The following IL1RAPL1 variants were observed in gnomAD, a reference collection of about 807,000 sequenced individuals.
IL1RAPL1 encodes interleukin 1 receptor accessory protein like 1, also known as interleukin-1 receptor accessory protein-like 1.
IL1RAPL1 carries 3 observed loss-of-function variants against 48.4 expected under a neutral mutation model. That is an observed-to-expected ratio of 0.06 (90% CI 0.03 to 0.16). IL1RAPL1 has a LOEUF of 0.16. Among genes scored for constraint, IL1RAPL1 ranks in the 10% least tolerant of loss-of-function variants. The pLI is 1.00. For missense variants in IL1RAPL1, 349 were observed against 530.6 expected (o/e 0.66, Z 3.36); for synonymous variants, 185 against 187.7 (o/e 0.99, Z 0.12).
intron 2 of IL1RAPL1, among the ~76,000 whole-genome samples, chrX:29,175,926 G>T (rs1041507591): frequency 2.9e-5 from 3 of 104,070 alleles, no homozygotes; most frequent in Non-Finnish European, 3.9e-5. Flanking sequence ...TCTTGAAATA[G>T]TATACTGCCC....
intron 2 of IL1RAPL1, among the ~76,000 whole-genome samples, chrX:29,269,842 A>G (rs1432608656): frequency 9.0e-6 from 1 of 111,111 alleles, no homozygotes; most frequent in Non-Finnish European, 1.9e-5. Flanking sequence ...ATATAAACTC[A>G]TGAAACTATC....
chrX:28,639,405 T>C (rs968329592), intron 1 of IL1RAPL1, among the ~76,000 whole-genome samples: 2 of 112,210 alleles, frequency 1.8e-5, no homozygotes, highest in African/African-American at 6.5e-5. Flanking sequence ...TTCAGCTAGG[T>C]TAGAAGCATT....
Position 29,757,404 on chromosome X carries a change from G to T in IL1RAPL1, c.778+88900G>T, listed in dbSNP as rs1264715752. On this transcript the variant is annotated intron_variant, in intron 6 of 10. Transcript: ENST00000378993. ...GAAGTGCTAAGAAATATAATATGGA[G>T]CTATTTCTTTCTATTCTGTTCCTCC... Among the ~76,000 whole-genome samples the T allele has an allele frequency of 9.8e-5, 11 of 111,699 alleles. No homozygotes were observed. In the Admixed American group the frequency reaches 1.0e-3, roughly 11 times the overall value.
chrX:29,861,839 T>G (rs182207316), intron 6 of IL1RAPL1, among the ~76,000 whole-genome samples: 37 of 111,896 alleles, frequency 3.3e-4, no homozygotes, highest in African/African-American at 1.0e-3. Flanking sequence ...TGATATTTCT[T>G]CTTTTAATCT....
chrX:29,547,627 T>C (rs1921668760), intron 5 of IL1RAPL1, among the ~76,000 whole-genome samples: 1 of 111,609 alleles, frequency 9.0e-6, no homozygotes, highest in African/African-American at 3.2e-5. Flanking sequence ...TCATCTTCGG[T>C]AGCATTATCT....
intron 6 of IL1RAPL1, among the ~76,000 whole-genome samples, chrX:29,856,227 C>T (rs758636547): frequency 4.5e-5 from 5 of 111,498 alleles, no homozygotes; most frequent in Admixed American, 1.9e-4. Flanking sequence ...GGTGAACATA[C>T]TCCAAACTAC....
Position 28,587,739 on chromosome X carries a change from C to G in IL1RAPL1, c.-333C>G, listed in dbSNP as rs1933857974. On this transcript the variant is annotated 5_prime_UTR_variant, in exon 1 of 11. Coordinates refer to ENST00000378993, the MANE Select transcript of IL1RAPL1 (RefSeq NM_014271.4). ...TCAGTCTCTCCTTTTCTATCTGCCT[C>G]TTCATTTTTCTCCTAGTCTGTTTTT... The G allele has an allele frequency of 1.1e-5, 1 of 89,862 alleles. No individual in the cohort carries two copies. The highest frequency in any genetic ancestry group is 2.1e-5 in the Non-Finnish European group (1 of 46,931). 7.4% of individuals were successfully genotyped at this position (89,862 alleles called of 1,213,427 possible).
At chrX:28,867,579 A>G (rs1323429299) in intron 2 of IL1RAPL1, among the ~76,000 whole-genome samples, 2 of 112,121 alleles carry the variant, frequency 1.8e-5, no homozygotes, top group Admixed American at 1.9e-4. Flanking sequence ...ATTTGTTTTC[A>G]GAAGCGGGTT....
In IL1RAPL1 at chrX:28,637,699, T is replaced by C. The variant is rs777516921; in HGVS notation, c.-25+49652T>C. Among the ~76,000 whole-genome samples, 4 of 112,441 alleles carry C rather than the reference T, an allele frequency of 3.6e-5. No individual in the cohort carries two copies. The East Asian group carries it at 1.1e-3, about 32-fold the overall frequency. The stretch of plus-strand genomic sequence containing the variant: ...GGAAAAAAGACAAAGACTAGGCTGA[T>C]TGAAAATCACTGTAACATTTGTTGT... On this transcript the variant is annotated intron_variant, in intron 1 of 10. Coordinates refer to ENST00000378993, the MANE Select transcript of IL1RAPL1 (RefSeq NM_014271.4).
At chrX:29,163,626 A>G (rs762231351) in intron 2 of IL1RAPL1, among the ~76,000 whole-genome samples, 1 of 111,541 alleles carries the variant, frequency 9.0e-6, no homozygotes, top group Non-Finnish European at 1.9e-5. Flanking sequence ...AGGACATGGC[A>G]GTAGACACAG....
chrX:28,632,591 T>C (rs1210031657), intron 1 of IL1RAPL1, among the ~76,000 whole-genome samples: 2 of 112,036 alleles, frequency 1.8e-5, no homozygotes, highest in Non-Finnish European at 3.8e-5. Context: ...TTATGTGGGT[T>C]ATATCTATCG....
intron 2 of IL1RAPL1, among the ~76,000 whole-genome samples, chrX:28,854,665 G>A (rs754017244): frequency 9.0e-6 from 1 of 111,218 alleles, no homozygotes; most frequent in African/African-American, 3.3e-5. Context: ...CAAAATCCTA[G>A]GAATCCAATT....
Position 28,654,343 on chromosome X carries a change from G to A in IL1RAPL1, c.-25+66296G>A, listed in dbSNP as rs200629960. ...TATTTATTAACCTATTTCTTTTTAA[G>A]CAATAAATCTAAAAGCTTGGTATTC... On this transcript the variant is annotated intron_variant, in intron 1 of 10. Coordinates refer to ENST00000378993, the MANE Select transcript of IL1RAPL1 (RefSeq NM_014271.4). Among the ~76,000 whole-genome samples the A allele has an allele frequency of 1.1e-4, 12 of 110,622 alleles. No homozygotes were observed. The East Asian group carries it at 2.0e-3, about 18-fold the overall frequency.
In IL1RAPL1 at chrX:29,956,183, T is replaced by C. The variant is rs1601900527; in HGVS notation, c.*363T>C. 9.2e-6 allele frequency: 2 copies of C among 217,990 alleles called. No individual in the cohort carries two copies. Among genetic ancestry groups the C allele is most frequent in the South Asian group, 1.4e-4 (2 of 14,351 alleles). The allele number at this position is 217,990 out of a possible 1,213,427, so 18.0% of individuals were successfully genotyped here. ...TTCCTTTTTTAAAATTTTACTTTGC[T>C]TTTAACATTTCCTTGGGGTGCTTGG... On this transcript the variant is annotated 3_prime_UTR_variant, in exon 11 of 11. Transcript: ENST00000378993.
intron 1 of IL1RAPL1, among the ~76,000 whole-genome samples, chrX:28,763,183 G>A (rs1257329175): frequency 2.7e-5 from 3 of 111,218 alleles, no homozygotes; most frequent in Non-Finnish European, 5.7e-5. Flanking sequence ...AAGTAGCCTA[G>A]ACTCTTATCA....
chrX:29,289,076 G>A (rs1330375593), intron 3 of IL1RAPL1, among the ~76,000 whole-genome samples: 1 of 110,875 alleles, frequency 9.0e-6, no homozygotes, highest in Admixed American at 9.5e-5. Flanking sequence ...TTTGTCAAGT[G>A]GACAGATTGC....
Position 29,553,785 on chromosome X carries a change from G to T in IL1RAPL1, c.704-114645G>T, listed in dbSNP as rs914766530. On this transcript the variant is annotated intron_variant, in intron 5 of 10. Transcript: ENST00000378993. ...GCTCTTCACTGTGAGAACAGGAGGG[G>T]TGGGGTTCTTAGAGGTAAAGTACAG... Among the ~76,000 whole-genome samples the T allele has an allele frequency of 4.5e-5, 5 of 111,175 alleles. No homozygotes were observed. In the Admixed American group the frequency reaches 4.8e-4, roughly 11 times the overall value.
chrX:28,885,000 C>G (rs961054627), intron 2 of IL1RAPL1, among the ~76,000 whole-genome samples: 3 of 110,534 alleles, frequency 2.7e-5, no homozygotes, highest in African/African-American at 9.8e-5. Flanking sequence ...TTATTTAGCT[C>G]AACAGTTAAT....
rs751243094 is a variant in IL1RAPL1 at position 28,778,567 on chromosome X, G to T, written c.-24-10753G>T. 8.9e-5 allele frequency among the ~76,000 whole-genome samples: 10 copies of T among 112,059 alleles called. No homozygotes were observed. The East Asian group carries it at 2.8e-3, about 32-fold the overall frequency. ...GATGAATACGAAAGGCGTAAGAAAG[G>T]TGAATTAGAAAAGTGGCAGATAGAA... On this transcript the variant is annotated intron_variant, in intron 1 of 10. Transcript: ENST00000378993.
Sources: allele counts gnomAD v4.1 joint callset (sites outside exome capture counted in the v4.1 genomes callset), GRCh38; gene constraint gnomAD v4.1.1; transcripts MANE v1.5; gene names NCBI Gene and HGNC (gene_info 2026-07-23, HGNC 2026-07-21).